The following IFT88 variants were observed in gnomAD, a reference collection of about 807,000 sequenced individuals.
IFT88 encodes intraflagellar transport protein 88 homolog.
Under a neutral mutation model 119.5 loss-of-function variants are expected in IFT88, and 74 were observed. The observed-to-expected ratio is 0.62, with a 90% CI of 0.51 to 0.75. IFT88 has a LOEUF of 0.75. Among genes scored for constraint, IFT88 ranks in the 30% least tolerant of loss-of-function variants. IFT88 has a pLI of 0.00. For synonymous variants in IFT88, 279 were observed against 316.7 expected, an observed-to-expected ratio of 0.88 and a Z score of 1.26; for missense variants, 961 against 977.7, an observed-to-expected ratio of 0.98 and a Z score of 0.23.
At chr13:20,686,069 T>C (rs756809244) in intron 24 of IFT88, among the ~76,000 whole-genome samples, 1 of 152,206 alleles carries the variant, frequency 6.6e-6, no homozygotes, top group Non-Finnish European at 1.5e-5. Flanking sequence ...GAGCAGTTAT[T>C]ACAGGCCCCT....
rs971613763 is a variant in IFT88, at chr13:20,635,874, C to T, written c.1387-2458C>T. On this transcript the variant is annotated intron_variant, in intron 16 of 25. Coordinates refer to ENST00000351808, the MANE Select transcript of IFT88 (RefSeq NM_006531.5). ...ACCTGCACATTCTGCACATGTATCC[C>T]ATGTTTGTTTTTAACCTAAAGTAAA... 5.3e-5 allele frequency among the ~76,000 whole-genome samples: 8 copies of T among 151,914 alleles called. No individual in the cohort carries two copies. The East Asian group carries it at 1.5e-3, about 29-fold the overall frequency.
intron 12 of IFT88, among the ~76,000 whole-genome samples, chr13:20,603,503 A>G (rs571956537): frequency 6.6e-6 from 1 of 152,018 alleles, no homozygotes; most frequent in Non-Finnish European, 1.5e-5. Context: ...CAGTTCTTTT[A>G]TATATGTAAT....
intron 2 of IFT88, among the ~76,000 whole-genome samples, chr13:20,582,666 T>C (rs951964024): frequency 1.3e-5 from 2 of 152,156 alleles, no homozygotes; most frequent in African/African-American, 4.8e-5. Flanking sequence ...GGCCACATCC[T>C]TGTATACTTG....
intron 24 of IFT88, among the ~76,000 whole-genome samples, chr13:20,680,092 C>A (rs1389413204): frequency 2.6e-5 from 4 of 152,166 alleles, no homozygotes; most frequent in Non-Finnish European, 5.9e-5. Context: ...TTTTTGCTGA[C>A]CATGTCCAAT....
intron 4 of IFT88, 105 bp downstream of exon 4, chr13:20,589,972 A>T (rs188473920): frequency 3.2e-4 from 184 of 575,022 alleles, no homozygotes; most frequent in Non-Finnish European, 4.9e-4. Flanking sequence ...TAATCCAAAT[A>T]TATTTTCTAT....
rs761837934 is a variant in IFT88, at chr13:20,605,069, T to A, written c.1076T>A (p.Ile359Lys). The change falls in exon 13 of 26, where the codon ATA becomes AAA. Residue 359 changes from isoleucine (I) to lysine (K), a missense_variant. Transcript: ENST00000351808. The part of the protein sequence containing the change: ...DPHTNLVTEA[I>K]KNDHLRQMER... ...CATACTAACTTAGTAACTGAAGCTA[T>A]AAAAAATGATCACCTCAGGCAAATG... 25 of 1,516,574 alleles carry A rather than the reference T, an allele frequency of 1.6e-5. No individual in the cohort carries two copies. The highest frequency in any genetic ancestry group is 2.1e-5 in the Non-Finnish European group (23 of 1,094,640). The allele number at this position is 1,516,574 out of a possible 1,614,324, so 93.9% of individuals were successfully genotyped here.
chr13:20,620,301 G>A (rs2046273562), intron 14 of IFT88, among the ~76,000 whole-genome samples: 1 of 151,998 alleles, frequency 6.6e-6, no homozygotes, highest in African/African-American at 2.4e-5. Flanking sequence ...GCACTGTAAT[G>A]TCACCTTTGA....
intron 20 of IFT88, among the ~76,000 whole-genome samples, chr13:20,651,305 A>T (rs1306721377): frequency 6.6e-6 from 1 of 151,536 alleles, no homozygotes; most frequent in East Asian, 1.9e-4. Flanking sequence ...TCAAGCACAC[A>T]CATGCCTCTC....
At chr13:20,654,983 C>G (rs1167881586) in intron 21 of IFT88, among the ~76,000 whole-genome samples, 2 of 152,194 alleles carry the variant, frequency 1.3e-5, no homozygotes, top group East Asian at 1.9e-4. Flanking sequence ...TATTTCATCC[C>G]TCTTGTAGAG....
At chr13:20,585,077 G>A (rs762548442) in intron 3 of IFT88, among the ~76,000 whole-genome samples, 12 of 152,096 alleles carry the variant, frequency 7.9e-5, no homozygotes, top group Non-Finnish European at 1.2e-4. Context: ...CCTGTCCTAC[G>A]TACTTATCTA....
intron 7 of IFT88, 85 bp downstream of exon 7, chr13:20,592,489 AGAT>A (rs755264017): frequency 5.7e-5 from 56 of 977,498 alleles, no homozygotes; most frequent in Non-Finnish European, 8.3e-5. Context: ...TTTTTTTTTG[AGAT>A]GATATCTCAC....
intron 24 of IFT88, among the ~76,000 whole-genome samples, chr13:20,685,608 C>T (rs1258628456): frequency 2.6e-5 from 4 of 152,204 alleles, no homozygotes; most frequent in Non-Finnish European, 2.9e-5. Context: ...TGGTGGCTCA[C>T]GCCTGTAATC....
intron 9 of IFT88, among the ~76,000 whole-genome samples, chr13:20,597,769 A>AT (rs1181805946): frequency 4.1e-4 from 59 of 143,906 alleles, no homozygotes; most frequent in African/African-American, 1.3e-3. Context: ...ATATATATAT[A>AT]TTTTTTTTTT....
chr13:20,619,152 TC>T (rs2046117373), intron 14 of IFT88, among the ~76,000 whole-genome samples: 1 of 152,200 alleles, frequency 6.6e-6, no homozygotes, highest in African/African-American at 2.4e-5. Flanking sequence ...TAACCTTTTT[TC>T]TGGAATTGTT....
intron 3 of IFT88, among the ~76,000 whole-genome samples, chr13:20,585,068 C>T (rs563383963): frequency 6.6e-6 from 1 of 152,336 alleles, no homozygotes; most frequent in South Asian, 2.1e-4. Context: ...CCCGTCCTCC[C>T]TGTCCTACGT....
chr13:20,570,748 G>A (rs2036186880), intron 1 of IFT88, among the ~76,000 whole-genome samples: 1 of 152,088 alleles, frequency 6.6e-6, no homozygotes, highest in Non-Finnish European at 1.5e-5. Flanking sequence ...ATTTCTTTAT[G>A]GGATGATGAA....
At chr13:20,664,689 A>G (rs1325930263) in intron 23 of IFT88, among the ~76,000 whole-genome samples, 6 of 152,224 alleles carry the variant, frequency 3.9e-5, no homozygotes, top group Non-Finnish European at 2.9e-5. Flanking sequence ...GGCTTGAGGA[A>G]TGAATATTTT....
At chr13:20,591,468 C>T (rs907298180) in intron 5 of IFT88, 150 bp from the exon 6 acceptor site, 1 of 517,714 alleles carries the variant, frequency 1.9e-6, no homozygotes, top group African/African-American at 2.0e-5. Flanking sequence ...ATGATTGATA[C>T]ATGAGGAGGT....
intron 13 of IFT88, 51 bp downstream of exon 13, chr13:20,605,156 T>C (rs781397187): frequency 5.4e-6 from 4 of 734,400 alleles, no homozygotes; most frequent in Admixed American, 2.8e-5. Flanking sequence ...ATTTAAAATA[T>C]TTAATGTTTA....
Sources: allele counts gnomAD v4.1 joint callset (sites outside exome capture counted in the v4.1 genomes callset), GRCh38; gene constraint gnomAD v4.1.1; transcripts MANE v1.5; gene names NCBI Gene and HGNC (gene_info 2026-07-23, HGNC 2026-07-21).